DCDC2: variants seen among roughly 807,000 people sequenced by gnomAD.
DCDC2 encodes doublecortin domain containing 2.
In DCDC2, 40 loss-of-function variants were observed where a neutral mutation model predicts 50.2. The ratio of observed to expected loss-of-function variants is 0.80; its 90% CI spans 0.62 to 1.04. The LOEUF (loss-of-function observed/expected upper bound fraction) is 1.04. Ranked by LOEUF, DCDC2 falls within the 50% of genes least tolerant of loss-of-function variation. DCDC2 has a pLI of 0.00. For missense variants in DCDC2, 570 were observed against 581.9 expected (o/e 0.98, Z 0.21); for synonymous variants, 234 against 210.6 (o/e 1.11, Z -0.96).
chr6:24,317,362 AT>A (rs1446411237), intron 2 of DCDC2, among the ~76,000 whole-genome samples: 2 of 152,108 alleles, frequency 1.3e-5, no homozygotes, highest in Non-Finnish European at 2.9e-5. Flanking sequence ...TTAGTATATG[AT>A]GAAGTTGGCA....
At chr6:24,234,083 G>A (rs912284019) in intron 7 of DCDC2, among the ~76,000 whole-genome samples, 1 of 152,126 alleles carries the variant, frequency 6.6e-6, no homozygotes, top group Non-Finnish European at 1.5e-5. Flanking sequence ...AGCCAGACTT[G>A]TAAGGAAGCA....
At chr6:24,239,724 G>C (rs544663619) in intron 7 of DCDC2, among the ~76,000 whole-genome samples, 1 of 152,174 alleles carries the variant, frequency 6.6e-6, no homozygotes, top group Admixed American at 6.5e-5. Context: ...CCTCTCAAAT[G>C]AGGGAAGTTT....
intron 7 of DCDC2, among the ~76,000 whole-genome samples, chr6:24,220,888 G>C (rs767563989): frequency 0.023 from 2,923 of 128,442 alleles, 58 homozygotes; most frequent in South Asian, 0.055. Context: ...GAGAGCGAGA[G>C]AGTGAGCGAG....
chr6:24,227,826 G>T (rs1762262614), intron 7 of DCDC2, among the ~76,000 whole-genome samples: 1 of 152,170 alleles, frequency 6.6e-6, no homozygotes, highest in South Asian at 2.1e-4. Context: ...GTAAACAGAA[G>T]GGGGCAGGTC....
upstream of DCDC2, chr6:24,358,066 G>A (rs1406142317): frequency 1.0e-6 from 1 of 955,254 alleles, no homozygotes; most frequent in African/African-American, 1.7e-5. Context: ...TTCTGAGCAG[G>A]AGCCGGAAAC....
chr6:24,273,258 C>G (rs1429333586), intron 7 of DCDC2, among the ~76,000 whole-genome samples: 1 of 152,056 alleles, frequency 6.6e-6, no homozygotes, highest in Non-Finnish European at 1.5e-5. Context: ...GGTAGAATGA[C>G]AGACACTGGA....
intron 7 of DCDC2, among the ~76,000 whole-genome samples, chr6:24,224,283 A>C (rs1338156594): frequency 6.6e-6 from 1 of 152,188 alleles, no homozygotes; most frequent in Non-Finnish European, 1.5e-5. Flanking sequence ...TGTACCAACC[A>C]CTGCCACTGC....
At chr6:24,272,765 G>A (rs762069827) in intron 7 of DCDC2, among the ~76,000 whole-genome samples, 30 of 152,100 alleles carry the variant, frequency 2.0e-4, no homozygotes, top group Admixed American at 1.6e-3. Context: ...CACTGTGGGT[G>A]GGAATGTACA....
At chr6:24,360,016 G>A (rs1235852234), upstream of DCDC2, among the ~76,000 whole-genome samples, 1 of 152,190 alleles carries the variant, frequency 6.6e-6, no homozygotes, top group Non-Finnish European at 1.5e-5. Flanking sequence ...CCGCGCGGGG[G>A]CGGGGCGGTG....
At chr6:24,178,692 C>T (rs764946385) in intron 8 of DCDC2, 60 bp from the exon 9 acceptor site, 1 of 1,452,694 alleles carries the variant, frequency 6.9e-7, no homozygotes, top group Non-Finnish European at 9.4e-7. Flanking sequence ...ATTTCCACTG[C>T]ACATCATAGT....
rs551545990 is a variant in DCDC2, at chr6:24,264,829, T to A, written c.922+13220A>T. Among the ~76,000 whole-genome samples, 80 of 148,516 alleles carry A rather than the reference T, an allele frequency of 5.4e-4. No homozygotes were observed. The South Asian group carries it at 0.012, about 22-fold the overall frequency. On this transcript the variant is annotated intron_variant, in intron 7 of 9. Coordinates refer to ENST00000378454, the MANE Select transcript of DCDC2 (RefSeq NM_016356.5). Reference sequence around the variant, plus strand: ...TATCAATAGACAAAGAGTGGCCGAATGGATTAAAAAAAAAAAGAGACCTGA... The same window carrying A: ...TATCAATAGACAAAGAGTGGCCGAAAGGATTAAAAAAAAAAAGAGACCTGA...
chr6:24,380,605 A>G, the DCDC2 span, among the ~76,000 whole-genome samples: 1 of 152,198 alleles, frequency 6.6e-6, no homozygotes, highest in Non-Finnish European at 1.5e-5. Flanking sequence ...ATCTATTGGC[A>G]ATATACATAA....
chr6:24,247,235 G>A (rs1438334428), intron 7 of DCDC2, among the ~76,000 whole-genome samples: 3 of 152,116 alleles, frequency 2.0e-5, no homozygotes, highest in Non-Finnish European at 4.4e-5. Flanking sequence ...TTTGATTTAA[G>A]CATCTGGGGA....
intron 7 of DCDC2, among the ~76,000 whole-genome samples, chr6:24,211,857 C>G (rs1222965015): frequency 6.6e-6 from 1 of 152,150 alleles, no homozygotes; most frequent in East Asian, 1.9e-4. Flanking sequence ...TTTTAAGGCA[C>G]CATGTTTGCG....
In DCDC2 at chr6:24,178,966, C is replaced by T. The variant is rs1184719922; in HGVS notation, c.1024-334G>A. 1.3e-5 allele frequency among the ~76,000 whole-genome samples: 2 copies of T among 152,180 alleles called. 1 individual carries two copies. The highest frequency in any genetic ancestry group is 3.9e-4 in the East Asian group (2 of 5,166). On this transcript the variant is annotated intron_variant, in intron 8 of 9. Coordinates refer to ENST00000378454, the MANE Select transcript of DCDC2 (RefSeq NM_016356.5). ...TGACTCCAGAACCAGTGCTTGTAAC[C>T]CCCATGGCAGATAGAAAGCCAAACC...
At chr6:24,304,523 G>A (rs707862) in intron 2 of DCDC2, among the ~76,000 whole-genome samples, 13,903 of 152,152 alleles carry the variant, frequency 0.091, 986 homozygotes, top group African/African-American at 0.2. Context: ...GGTAATGCAC[G>A]CACCTGAACA....
chr6:24,259,128 CAT>C (rs889705789), intron 7 of DCDC2, among the ~76,000 whole-genome samples: 15 of 103,530 alleles, frequency 1.4e-4, no homozygotes, highest in African/African-American at 3.7e-4. Context: ...AGATACAAGA[CAT>C]GTGAAAAAAA....
the DCDC2 span, among the ~76,000 whole-genome samples, chr6:24,371,276 C>CAA: frequency 2.0e-5 from 2 of 102,024 alleles, no homozygotes; most frequent in African/African-American, 3.5e-5. Context: ...CACTCCATCT[C>CAA]AAAAAAAAAA....
intron 6 of DCDC2, among the ~76,000 whole-genome samples, chr6:24,288,289 C>A (rs751905468): frequency 1.3e-5 from 2 of 152,162 alleles, no homozygotes; most frequent in Non-Finnish European, 2.9e-5. Context: ...CATCAGGGAG[C>A]GCAGACTGAA....
Sources: gnomAD v4.1 joint callset for allele counts (sites outside exome capture counted in the v4.1 genomes callset) on GRCh38, gnomAD v4.1.1 for gene constraint, MANE v1.5 for transcripts, NCBI Gene and HGNC (gene_info 2026-07-23, HGNC 2026-07-21) for gene names.